The following PRIMPOL variants were observed in gnomAD, a reference collection of about 807,000 sequenced individuals.
PRIMPOL encodes primase and DNA directed polymerase.
Under a neutral mutation model 63.6 loss-of-function variants are expected in PRIMPOL, and 54 were observed. The observed-to-expected ratio is 0.85, with a 90% CI of 0.68 to 1.07. The LOEUF is 1.07. Among genes scored for constraint, PRIMPOL ranks in the 50% least tolerant of loss-of-function variants. PRIMPOL has a pLI of 0.00. For missense variants in PRIMPOL, 610 were observed against 648.3 expected (o/e 0.94, Z 0.64); for synonymous variants, 197 against 220.2 (o/e 0.89, Z 0.93).
Position 184,673,290 on chromosome 4 carries a change from C to T in PRIMPOL, c.844+830C>T, listed in dbSNP as rs377480571. 2.4e-3 allele frequency among the ~76,000 whole-genome samples: 368 copies of T among 151,774 alleles called. 6 individuals carry two copies. In the South Asian group the frequency reaches 0.038, roughly 16 times the overall value. On this transcript the variant is annotated intron_variant, in intron 7 of 13. Coordinates refer to ENST00000314970, the MANE Select transcript of PRIMPOL (RefSeq NM_152683.4). ...GACTACAGGCGCCCGCCACCGCTCC[C>T]GGCTAATTTTTTGTATTTTTAGTAG...
chr4:184,653,594 C>T (rs1299866388), intron 2 of PRIMPOL, among the ~76,000 whole-genome samples: 1 of 152,218 alleles, frequency 6.6e-6, no homozygotes, highest in Non-Finnish European at 1.5e-5. Context: ...TTGTGGTCCA[C>T]CCGCCTGGGC....
At chr4:184,677,660 C>G (rs768148821) in intron 7 of PRIMPOL, among the ~76,000 whole-genome samples, 7 of 152,030 alleles carry the variant, frequency 4.6e-5, no homozygotes, top group African/African-American at 1.7e-4. Context: ...GTCAGTTTGC[C>G]GGTTTACACA....
chr4:184,691,897 C>CTTT (rs10567357), intron 13 of PRIMPOL, among the ~76,000 whole-genome samples, 185 bp downstream of exon 13: 1 of 140,458 alleles, frequency 7.1e-6, no homozygotes. Flanking sequence ...TAATACAAAC[C>CTTT]TTTTTTTTTT....
At chr4:184,685,757 G>A (rs761550067) in intron 11 of PRIMPOL, 73 bp downstream of exon 11, 75 of 641,786 alleles carry the variant, frequency 1.2e-4, no homozygotes, top group South Asian at 3.9e-4. Flanking sequence ...TTAAAGTTGC[G>A]AATATGAAAA....
At chr4:184,673,135 C>CTTTTT (rs10661169) in intron 7 of PRIMPOL, among the ~76,000 whole-genome samples, 57 of 141,926 alleles carry the variant, frequency 4.0e-4, no homozygotes, top group Non-Finnish European at 6.9e-4. Context: ...TTTTCTTTTT[C>CTTTTT]TTTTTTTTTT....
intron 7 of PRIMPOL, 47 bp downstream of exon 7, chr4:184,672,507 C>T (rs767049420): frequency 1.2e-5 from 19 of 1,534,946 alleles, no homozygotes; most frequent in East Asian, 4.5e-5. Flanking sequence ...CTGGTGCTTT[C>T]GTGAGAGACG....
At position 184,685,461 on chromosome 4, in the gene PRIMPOL, T is replaced by C. The variant is rs151170827; in HGVS notation, c.1149T>C (p.Phe383=). ...QCSPYPEVDH[F]VLSLVNKDGI... ...CTCCCTATCCTGAAGTTGATCATTT[T>C]GTTCTTTCTTTGGTGAATAAAGATG... is the stretch of plus-strand genomic sequence containing the variant. Residue 383 remains phenylalanine, a synonymous_variant, in exon 10 of 14, where the codon TTT becomes TTC. Coordinates refer to ENST00000314970, the MANE Select transcript of PRIMPOL (RefSeq NM_152683.4). The C allele has an allele frequency of 2.5e-4, 400 of 1,613,240 alleles. 3 individuals are homozygous for C. The highest frequency in any genetic ancestry group is 5.8e-5 in the Non-Finnish European group (68 of 1,179,276).
Position 184,685,699 on chromosome 4 carries a change from T to C in PRIMPOL, c.1295+15T>C, listed in dbSNP as rs753172502. On this transcript the variant is annotated intron_variant, in intron 11 of 13. Coordinates refer to ENST00000314970, the MANE Select transcript of PRIMPOL (RefSeq NM_152683.4). ...AATAATATAATGTAAGTAATATTAA[T>C]GATTTGTGTGTATTTAACCAATATT... 2 of 1,167,308 alleles carry C rather than the reference T, an allele frequency of 1.7e-6. No homozygotes were observed. Among genetic ancestry groups the C allele is most frequent in the South Asian group, 1.4e-5 (1 of 71,576 alleles). The allele number at this position is 1,167,308 out of a possible 1,614,324, so 72.3% of individuals were successfully genotyped here. A position where few individuals can be genotyped will look rare whatever the true frequency, so the allele number is the denominator to read the frequency against.
At chr4:184,682,581 C>T (rs1346101163) in intron 9 of PRIMPOL, among the ~76,000 whole-genome samples, 1 of 152,098 alleles carries the variant, frequency 6.6e-6, no homozygotes, top group East Asian at 1.9e-4. Context: ...CTCCTGGGCT[C>T]AAACGATCTG....
intron 7 of PRIMPOL, among the ~76,000 whole-genome samples, chr4:184,674,596 A>G (rs1267393018): frequency 1.3e-5 from 2 of 152,246 alleles, no homozygotes; most frequent in African/African-American, 2.4e-5. Context: ...AAATCGGTGT[A>G]TAACTTTTGA....
chr4:184,685,745 T>G, intron 11 of PRIMPOL, 61 bp downstream of exon 11: 1 of 721,196 alleles, frequency 1.4e-6, no homozygotes, highest in South Asian at 2.7e-5. Context: ...TATTTATAAC[T>G]TTTAAAGTTG....
intron 2 of PRIMPOL, among the ~76,000 whole-genome samples, chr4:184,652,996 A>G (rs112279833): frequency 0.085 from 23 of 272 alleles, 1 homozygote; most frequent in Non-Finnish European, 0.17. Context: ...GGAAGGAAGG[A>G]AGAAGGGAAG....
At chr4:184,652,635 A>G (rs1744879704) in intron 2 of PRIMPOL, among the ~76,000 whole-genome samples, 1 of 152,210 alleles carries the variant, frequency 6.6e-6, no homozygotes, top group South Asian at 2.1e-4. Flanking sequence ...CACATACTTT[A>G]TAATAAATAC....
intron 9 of PRIMPOL, among the ~76,000 whole-genome samples, chr4:184,684,878 T>TA (rs1189903305): frequency 1.4e-4 from 21 of 152,332 alleles, no homozygotes; most frequent in African/African-American, 4.1e-4. Flanking sequence ...AACCAGCAGT[T>TA]GCTTCTGTTA....
intron 9 of PRIMPOL, among the ~76,000 whole-genome samples, chr4:184,685,012 T>C (rs1756643199): frequency 6.6e-6 from 1 of 152,062 alleles, no homozygotes; most frequent in Non-Finnish European, 1.5e-5. Flanking sequence ...AGGGGCCTTA[T>C]CTGTTGTTGA....
intron 8 of PRIMPOL, among the ~76,000 whole-genome samples, chr4:184,679,492 C>T (rs1755023520): frequency 6.6e-6 from 1 of 152,192 alleles, no homozygotes; most frequent in African/African-American, 2.4e-5. Flanking sequence ...AAAATAAAAT[C>T]TGTGAAAGTC....
chr4:184,680,652 T>A (rs1379611846), intron 8 of PRIMPOL, among the ~76,000 whole-genome samples: 1 of 152,224 alleles, frequency 6.6e-6, no homozygotes, highest in Non-Finnish European at 1.5e-5. Context: ...TTGTACTCTT[T>A]GAGTTCTTTA....
At chr4:184,686,623 C>T (rs985515536) in intron 11 of PRIMPOL, among the ~76,000 whole-genome samples, 1 of 152,044 alleles carries the variant, frequency 6.6e-6, no homozygotes, top group African/African-American at 2.4e-5. Context: ...TAAATAGATA[C>T]CCAGTAGTTA....
At chr4:184,670,405 G>C (rs1751251568) in intron 6 of PRIMPOL, among the ~76,000 whole-genome samples, 1 of 152,142 alleles carries the variant, frequency 6.6e-6, no homozygotes, top group Non-Finnish European at 1.5e-5. Flanking sequence ...CTTTTCACTT[G>C]GTGTTTACTT....
Sources: allele counts gnomAD v4.1 joint callset (sites outside exome capture counted in the v4.1 genomes callset), GRCh38; gene constraint gnomAD v4.1.1; transcripts MANE v1.5; gene names NCBI Gene and HGNC (gene_info 2026-07-23, HGNC 2026-07-21).